Variants in AMD1 observed in about 807,000 individuals in gnomAD.
AMD1 encodes S-adenosylmethionine decarboxylase proenzyme.
AMD1 carries 11 observed loss-of-function variants against 40.2 expected under a neutral mutation model. That is an observed-to-expected ratio of 0.27 (90% confidence interval 0.17 to 0.45). AMD1 has a LOEUF of 0.45. Ranked by LOEUF, AMD1 falls within the 20% of genes least tolerant of loss-of-function variation. The pLI, the probability that AMD1 is intolerant of heterozygous loss-of-function variation, is 1.00. For synonymous variants in AMD1, 121 were observed against 130.8 expected, an observed-to-expected ratio of 0.93 and a Z score of 0.51; for missense variants, 257 against 410.2, an observed-to-expected ratio of 0.63 and a Z score of 3.23.
At chr6:110,882,768 T>C (rs971503956) in intron 1 of AMD1, among the ~76,000 whole-genome samples, 1 of 152,182 alleles carries the variant, frequency 6.6e-6, no homozygotes, top group Non-Finnish European at 1.5e-5. Context: ...GGAGCATTAC[T>C]ATTAGTTGAG....
At chr6:110,832,409 C>A in the AMD1 span, among the ~76,000 whole-genome samples, 1 of 152,078 alleles carries the variant, frequency 6.6e-6, no homozygotes, top group South Asian at 2.1e-4. Flanking sequence ...CCTTAGCCTC[C>A]CATTGTGCTG....
the AMD1 span, among the ~76,000 whole-genome samples, chr6:110,840,082 G>A: frequency 7.0e-6 from 1 of 142,418 alleles, no homozygotes; most frequent in African/African-American, 2.6e-5. Context: ...GCAATGGTGC[G>A]ATCTCGGCTC....
In AMD1 at chr6:110,876,327, C is replaced by T. The variant is rs569398564; in HGVS notation, c.110+1112C>T. On this transcript the variant is annotated intron_variant, in intron 1 of 8. Transcript: ENST00000368885. ...CTGCGCACGAGTGCGGCTAGGGTGGCGGTGCAGCGGAGTAACTGGCGTGGC... is the reference window on the plus strand; with the variant it reads ...CTGCGCACGAGTGCGGCTAGGGTGGTGGTGCAGCGGAGTAACTGGCGTGGC... 1.0e-3 allele frequency among the ~76,000 whole-genome samples: 156 copies of T among 152,314 alleles called. 2 individuals carry two copies. Among genetic ancestry groups the T allele is most frequent in the Admixed American group, 3.7e-3 (57 of 15,304 alleles).
the AMD1 span, among the ~76,000 whole-genome samples, chr6:110,851,673 G>A: frequency 6.6e-6 from 1 of 152,080 alleles, no homozygotes; most frequent in Non-Finnish European, 1.5e-5. Flanking sequence ...TGTTGGTCAG[G>A]CTGGTCTCAA....
At chr6:110,866,509 A>G in the AMD1 span, among the ~76,000 whole-genome samples, 1 of 152,214 alleles carries the variant, frequency 6.6e-6, no homozygotes, top group Admixed American at 6.5e-5. Flanking sequence ...AGACCACGCT[A>G]GCAAAACAGG....
rs1249287398 is a variant in AMD1 at position 110,894,433 on chromosome 6, C to G, written c.*817C>G. On this transcript the variant is annotated 3_prime_UTR_variant, in exon 9 of 9. Transcript: ENST00000368885. ...AGCCTCTCTTTTATTGTAATGTGCT[C>G]TTTTGGAAAATAGTTGGTTAGCAGG... 1 of 152,350 alleles carries G rather than the reference C, an allele frequency of 6.6e-6. No homozygotes were observed. Among genetic ancestry groups the G allele is most frequent in the African/African-American group, 2.4e-5 (1 of 41,426 alleles). The allele number at this position is 152,350 out of a possible 1,614,324, so 9.4% of individuals were successfully genotyped here. A position where few individuals can be genotyped will look rare whatever the true frequency, so the allele number is the denominator to read the frequency against.
chr6:110,814,983 C>T, the AMD1 span: 11 of 1,599,800 alleles, frequency 6.9e-6, no homozygotes, highest in Non-Finnish European at 9.4e-6. Context: ...CCCGAGCGAG[C>T]CTACTCCTCC....
At chr6:110,855,296 A>C in the AMD1 span, among the ~76,000 whole-genome samples, 1 of 152,080 alleles carries the variant, frequency 6.6e-6, no homozygotes, top group African/African-American at 2.4e-5. Context: ...TATATATTAA[A>C]TCTACCAAAA....
At chr6:110,821,407 G>T in the AMD1 span, among the ~76,000 whole-genome samples, 3 of 152,054 alleles carry the variant, frequency 2.0e-5, no homozygotes, top group Non-Finnish European at 4.4e-5. Context: ...GACCAGCCTG[G>T]CCAAGAGACC....
rs532925447 is a variant in AMD1 at position 110,890,593 on chromosome 6, C to T, written c.427+237C>T. Among the ~76,000 whole-genome samples the T allele has an allele frequency of 2.0e-5, 3 of 152,228 alleles. No individual in the cohort carries two copies. In the South Asian group the frequency reaches 6.2e-4, roughly 32 times the overall value. On this transcript the variant is annotated intron_variant, in intron 4 of 8. Coordinates refer to ENST00000368885, the MANE Select transcript of AMD1 (RefSeq NM_001634.6). ...CTCAACATCCCAGGCTTAAGTGATC[C>T]TCCCACCTTAGCCTCCCAAGTAGCT... is the stretch of plus-strand genomic sequence containing the variant.
chr6:110,870,076 C>T (rs1057011095), upstream of AMD1, among the ~76,000 whole-genome samples: 1 of 152,114 alleles, frequency 6.6e-6, no homozygotes. Context: ...TTAACACCAT[C>T]AATGTGACAG....
At chr6:110,844,716 G>A in the AMD1 span, among the ~76,000 whole-genome samples, 1 of 151,748 alleles carries the variant, frequency 6.6e-6, no homozygotes, top group Non-Finnish European at 1.5e-5. Context: ...GGGAGGCAGA[G>A]GTTGCAGTAG....
chr6:110,895,007 T>C lies in AMD1; in HGVS notation c.*1391T>C, dbSNP rs1786229538. 1.3e-5 allele frequency: 2 copies of C among 152,222 alleles called. No homozygotes were observed. Among genetic ancestry groups the C allele is most frequent in the Non-Finnish European group, 1.5e-5 (1 of 68,022 alleles). The allele number at this position is 152,222 out of a possible 1,614,324, so 9.4% of individuals were successfully genotyped here. On this transcript the variant is annotated 3_prime_UTR_variant, in exon 9 of 9. Transcript: ENST00000368885. The stretch of plus-strand genomic sequence containing the variant: ...AAAATACTCAATGGGAAATGACTAG[T>C]AATATAGGCTTTCAAGAGTTGGTAC...
At chr6:110,844,233 A>AAAAG in the AMD1 span, among the ~76,000 whole-genome samples, 410 of 151,538 alleles carry the variant, frequency 2.7e-3, 2 homozygotes, top group African/African-American at 9.1e-3. Context: ...ACTTCAAAAA[A>AAAAG]AAAGAAAGAA....
chr6:110,840,620 C>T, the AMD1 span, among the ~76,000 whole-genome samples: 1 of 151,982 alleles, frequency 6.6e-6, no homozygotes, highest in Non-Finnish European at 1.5e-5. Context: ...GAGTTCAGCT[C>T]TGGGAAGCTC....
Position 110,892,155 on chromosome 6 carries a change from C to T in AMD1, c.428-6C>T, listed in dbSNP as rs372722752. On this transcript the variant is annotated splice_polypyrimidine_tract_variant and splice_region_variant and intron_variant, in intron 4 of 8. Transcript: ENST00000368885. The stretch of plus-strand genomic sequence containing the variant: ...ATATTTATTTTGCGTTCTCTTCCCT[C>T]AACAGATGGAGCAGCATATTGTATG... 1.9e-6 allele frequency: 3 copies of T among 1,613,384 alleles called. No individual in the cohort carries two copies. The highest frequency in any genetic ancestry group is 1.7e-6 in the Non-Finnish European group (2 of 1,180,012).
At chr6:110,892,659 C>G (rs907567009) in intron 6 of AMD1, 76 bp from the exon 7 acceptor site, 1 of 1,543,746 alleles carries the variant, frequency 6.5e-7, no homozygotes, top group Non-Finnish European at 8.9e-7. Context: ...CTTCTCCCAC[C>G]CTGGGACTAA....
the AMD1 span, among the ~76,000 whole-genome samples, chr6:110,867,059 C>T: frequency 6.6e-6 from 1 of 152,022 alleles, no homozygotes; most frequent in African/African-American, 2.4e-5. Context: ...GTGATCCACC[C>T]GCCTCGGCCT....
chr6:110,867,171 A>G, the AMD1 span, among the ~76,000 whole-genome samples: 1 of 145,814 alleles, frequency 6.9e-6, no homozygotes, highest in Non-Finnish European at 1.5e-5. Flanking sequence ...TTTTTTAGAG[A>G]CTCTCTCGCT....
Sources: gnomAD v4.1 joint callset for allele counts (sites outside exome capture counted in the v4.1 genomes callset) on GRCh38, gnomAD v4.1.1 for gene constraint, MANE v1.5 for transcripts, NCBI Gene and HGNC (gene_info 2026-07-23, HGNC 2026-07-21) for gene names.